TCF12: variants seen among roughly 807,000 people sequenced by gnomAD.
TCF12 encodes transcription factor 12.
TCF12 carries 45 observed loss-of-function variants against 86.0 expected under a neutral mutation model. The ratio of observed to expected loss-of-function variants is 0.52; its 90% CI spans 0.41 to 0.67. TCF12 has a LOEUF of 0.67. TCF12 is among the 30% of genes least tolerant of loss of function. The pLI is 0.00. For missense variants in TCF12, 881 were observed against 859.9 expected, an observed-to-expected ratio of 1.02 and a Z score of -0.31; for synonymous variants, 330 against 299.6, an observed-to-expected ratio of 1.10 and a Z score of -1.05.
chr15:57,063,496 C>G (rs2068617349), intron 3 of TCF12, among the ~76,000 whole-genome samples: 1 of 152,112 alleles, frequency 6.6e-6, no homozygotes, highest in Non-Finnish European at 1.5e-5. Flanking sequence ...ATGCCCCATT[C>G]TAAAGTCTGC....
intron 6 of TCF12, among the ~76,000 whole-genome samples, chr15:57,180,727 T>G (rs2056278389): frequency 6.6e-6 from 1 of 151,888 alleles, no homozygotes; most frequent in Non-Finnish European, 1.5e-5. Context: ...CTATAACATA[T>G]GAGGTACTCT....
chr15:56,921,545 CTTTT>C (rs1341941326), intron 3 of TCF12, among the ~76,000 whole-genome samples: 1 of 151,692 alleles, frequency 6.6e-6, no homozygotes, highest in Non-Finnish European at 1.5e-5. Context: ...TGCATTTTTT[CTTTT>C]TTTAACTTTT....
chr15:57,137,356 C>T (rs1197431687), intron 5 of TCF12, among the ~76,000 whole-genome samples: 2 of 152,134 alleles, frequency 1.3e-5, no homozygotes, highest in Admixed American at 6.5e-5. Flanking sequence ...ATTTTAAATA[C>T]TGTAATTTAC....
intron 3 of TCF12, among the ~76,000 whole-genome samples, chr15:57,007,897 CCTTCCTTCCT>C (rs2064549460): frequency 1.3e-5 from 1 of 78,654 alleles, no homozygotes; most frequent in South Asian, 3.2e-4. Context: ...TTCCTTCCTT[CCTTCCTTCCT>C]TCCTTCCTCT....
chr15:57,044,786 A>C (rs16977218), intron 3 of TCF12, among the ~76,000 whole-genome samples: 6,407 of 152,084 alleles, frequency 0.042, 371 homozygotes, highest in African/African-American at 0.14. Flanking sequence ...ATGTTCACGG[A>C]TTTGTTATGT....
intron 8 of TCF12, among the ~76,000 whole-genome samples, chr15:57,202,686 C>T (rs1349086128): frequency 4.0e-5 from 6 of 151,670 alleles, no homozygotes; most frequent in African/African-American, 7.3e-5. Flanking sequence ...CCACCTACCT[C>T]AGCCTCCCGA....
chr15:57,139,577 A>T (rs570549692), intron 5 of TCF12, among the ~76,000 whole-genome samples: 1 of 152,128 alleles, frequency 6.6e-6, no homozygotes, highest in Admixed American at 6.5e-5. Context: ...TAACTAAACC[A>T]CCAGGGAGAT....
chr15:57,079,113 T>A (rs1383796279), intron 4 of TCF12, among the ~76,000 whole-genome samples: 1 of 152,238 alleles, frequency 6.6e-6, no homozygotes, highest in Non-Finnish European at 1.5e-5. Context: ...AATGTCTGAA[T>A]TGAAGTGTAA....
chr15:57,197,101 T>A (rs1432259842), intron 7 of TCF12, among the ~76,000 whole-genome samples: 1 of 149,558 alleles, frequency 6.7e-6, no homozygotes, highest in Non-Finnish European at 1.5e-5. Flanking sequence ...AGTGCCCCTC[T>A]GCAAATGAAA....
intron 9 of TCF12, 35 bp downstream of exon 9, chr15:57,231,292 C>A: frequency 1.4e-6 from 2 of 1,407,832 alleles, no homozygotes; most frequent in Non-Finnish European, 2.0e-6. Flanking sequence ...AATACTACTG[C>A]AGTCATCTGT....
intron 5 of TCF12, among the ~76,000 whole-genome samples, chr15:57,148,692 G>A (rs1242214836): frequency 1.6e-5 from 2 of 128,428 alleles, no homozygotes; most frequent in Non-Finnish European, 1.6e-5. Context: ...ACCAGCCTGG[G>A]TGACGTGGCA....
intron 4 of TCF12, among the ~76,000 whole-genome samples, chr15:57,065,391 C>A (rs527463550): frequency 6.6e-6 from 1 of 152,194 alleles, no homozygotes; most frequent in Admixed American, 6.5e-5. Flanking sequence ...TCCTTCCACT[C>A]TTAAACGTTT....
At chr15:57,284,760 A>G (rs564020399) in intron 20 of TCF12, among the ~76,000 whole-genome samples, 1 of 151,962 alleles carries the variant, frequency 6.6e-6, no homozygotes, top group Admixed American at 6.5e-5. Context: ...TTTTCTTCTC[A>G]GTCTCTCTTA....
chr15:57,062,451 A>T (rs546124717), intron 3 of TCF12, among the ~76,000 whole-genome samples: 16 of 152,180 alleles, frequency 1.1e-4, no homozygotes, highest in East Asian at 1.9e-4. Flanking sequence ...CAACTTTTTA[A>T]AAAAAGTTAT....
chr15:57,136,124 T>C (rs531447298), intron 5 of TCF12, among the ~76,000 whole-genome samples: 2 of 152,346 alleles, frequency 1.3e-5, no homozygotes, highest in African/African-American at 4.8e-5. Flanking sequence ...ATCTATACTA[T>C]TGATCTGCAG....
At chr15:57,252,991 G>A (rs1412138767) in intron 15 of TCF12, among the ~76,000 whole-genome samples, 1 of 73,144 alleles carries the variant, frequency 1.4e-5, no homozygotes, top group Non-Finnish European at 2.7e-5. Context: ...TTCATTTTTT[G>A]TAGAAGCTAA....
intron 3 of TCF12, among the ~76,000 whole-genome samples, chr15:57,029,545 C>T (rs1009574414): frequency 5.3e-5 from 8 of 152,036 alleles, no homozygotes; most frequent in South Asian, 2.1e-4. Flanking sequence ...CTTTGTACTA[C>T]GCTATATGGG....
intron 3 of TCF12, among the ~76,000 whole-genome samples, chr15:56,954,364 C>G (rs1230448072): frequency 6.6e-6 from 1 of 152,114 alleles, no homozygotes; most frequent in African/African-American, 2.4e-5. Context: ...ACTGGCTAGC[C>G]ATATGTAGAA....
At chr15:57,199,268 G>C (rs1422402397) in intron 8 of TCF12, among the ~76,000 whole-genome samples, 1 of 152,100 alleles carries the variant, frequency 6.6e-6, no homozygotes, top group African/African-American at 2.4e-5. Context: ...CTATGCAGGG[G>C]TAGGTGGTTC....
Sources: allele counts gnomAD v4.1 joint callset (sites outside exome capture counted in the v4.1 genomes callset), GRCh38; gene constraint gnomAD v4.1.1; transcripts MANE v1.5; gene names NCBI Gene and HGNC (gene_info 2026-07-23, HGNC 2026-07-21).